Variants in PLCB1 observed in about 807,000 individuals in gnomAD.
The protein encoded by PLCB1 is phospholipase C beta 1.
In PLCB1, 46 loss-of-function variants were observed where a neutral mutation model predicts 161.8. The ratio of observed to expected loss-of-function variants is 0.28; its 90% CI spans 0.22 to 0.36. The LOEUF (loss-of-function observed/expected upper bound fraction) is 0.36, where lower values mean the gene tolerates loss of function less well. PLCB1 is among the 10% of genes least tolerant of loss of function. The pLI, the probability that PLCB1 is intolerant of heterozygous loss-of-function variation, is 1.00. For missense variants in PLCB1, 1,016 were observed against 1,472.5 expected (o/e 0.69, Z 5.07); for synonymous variants, 517 against 503.7 (o/e 1.03, Z -0.35).
rs1988060657 is a variant in PLCB1, at chr20:8,883,328, T to G, written c.*1479T>G. 1 of 152,096 alleles carries G rather than the reference T, an allele frequency of 6.6e-6. No homozygotes were observed. The highest frequency in any genetic ancestry group is 2.4e-5 in the African/African-American group (1 of 41,446). 9.4% of individuals were successfully genotyped at this position (152,096 alleles called of 1,614,324 possible). ...TTAACTCTGTCTTTATAAGTTCCTA[T>G]TTTAGATGGAATAAGAGAAACAAAT... On this transcript the variant is annotated 3_prime_UTR_variant, in exon 32 of 32. Transcript: ENST00000338037.
chr20:8,669,780 A>T (rs1989900348), intron 9 of PLCB1, among the ~76,000 whole-genome samples: 2 of 152,224 alleles, frequency 1.3e-5, no homozygotes, highest in Admixed American at 1.3e-4. Flanking sequence ...GCACTAAAAG[A>T]TAACATGTTT....
At chr20:8,643,199 C>G (rs530046941) in intron 4 of PLCB1, among the ~76,000 whole-genome samples, 1 of 152,320 alleles carries the variant, frequency 6.6e-6, no homozygotes, top group East Asian at 1.9e-4. Flanking sequence ...AGTTACCCTT[C>G]TTTGGATTCT....
chr20:8,559,542 G>C (rs1239422818), intron 3 of PLCB1, among the ~76,000 whole-genome samples: 1 of 151,958 alleles, frequency 6.6e-6, no homozygotes, highest in Middle Eastern at 3.4e-3. Flanking sequence ...AAAACAACAA[G>C]AAGATTCAAG....
intron 4 of PLCB1, among the ~76,000 whole-genome samples, chr20:8,632,458 G>A (rs899812905): frequency 3.9e-5 from 6 of 152,124 alleles, no homozygotes; most frequent in African/African-American, 1.2e-4. Context: ...GACCCTTGCC[G>A]ATGTGGAGCA....
intron 4 of PLCB1, among the ~76,000 whole-genome samples, chr20:8,635,621 G>A (rs556052389): frequency 1.3e-5 from 2 of 152,142 alleles, no homozygotes; most frequent in African/African-American, 4.8e-5. Flanking sequence ...CTACCCAGCA[G>A]TTACTCCACG....
At chr20:8,206,047 C>T (rs770844257) in intron 2 of PLCB1, among the ~76,000 whole-genome samples, 8 of 152,026 alleles carry the variant, frequency 5.3e-5, no homozygotes, top group Admixed American at 3.9e-4. Flanking sequence ...TTCACCTGTT[C>T]GATAGAAATA....
chr20:8,787,368 G>T (rs77269830), intron 27 of PLCB1, among the ~76,000 whole-genome samples: 1 of 152,120 alleles, frequency 6.6e-6, no homozygotes, highest in Admixed American at 6.5e-5. Context: ...CAGTTTTTCC[G>T]GGGACTCCCT....
At chr20:8,843,685 T>C (rs1986589884) in intron 31 of PLCB1, among the ~76,000 whole-genome samples, 1 of 152,150 alleles carries the variant, frequency 6.6e-6, no homozygotes, top group African/African-American at 2.4e-5. Flanking sequence ...AATGTTTTAT[T>C]TTGTTTGTTA....
intron 26 of PLCB1, 101 bp downstream of exon 26, chr20:8,765,459 A>G (rs913367092): frequency 2.4e-6 from 2 of 816,680 alleles, no homozygotes; most frequent in African/African-American, 3.5e-5. Flanking sequence ...TACCATGGCA[A>G]GAAAACCACC....
Position 8,765,318 on chromosome 20 carries a change from G to T in PLCB1, c.2890G>T (p.Ala964Ser). The T allele has an allele frequency of 1.9e-6, 3 of 1,613,020 alleles. No individual in the cohort carries two copies. Among genetic ancestry groups the T allele is most frequent in the Non-Finnish European group, 2.5e-6 (3 of 1,179,830 alleles). ...EIQNDYLRRR[A>S]ALEKSAKKDS... ...TCAGAATGACTACTTGAGAAGGAGA[G>T]CCGCTTTGGAAAAGTCCGCCAAAAA... The change falls in exon 26 of 32, where the codon GCC (alanine) becomes TCC (serine). Residue 964 changes from alanine to serine, a missense_variant. Transcript: ENST00000338037.
At chr20:8,611,647 C>T (rs937682735) in intron 3 of PLCB1, among the ~76,000 whole-genome samples, 3 of 152,122 alleles carry the variant, frequency 2.0e-5, no homozygotes, top group African/African-American at 7.2e-5. Flanking sequence ...AACTAAAAAA[C>T]ATTTTATTGA....
intron 2 of PLCB1, among the ~76,000 whole-genome samples, chr20:8,271,605 A>G (rs1203951832): frequency 6.6e-6 from 1 of 152,116 alleles, no homozygotes; most frequent in Non-Finnish European, 1.5e-5. Flanking sequence ...CACATATATA[A>G]TAGCTGGGTC....
chr20:8,761,980 G>GGGT (rs1222187419), intron 25 of PLCB1, among the ~76,000 whole-genome samples: 2 of 151,690 alleles, frequency 1.3e-5, no homozygotes, highest in African/African-American at 2.4e-5. Context: ...AGGCCAAGGG[G>GGGT]GGGGCGGATC....
chr20:8,367,217 T>C lies in PLCB1; in HGVS notation c.178-4165T>C, dbSNP rs16994717. ...ATAAAGAAATGATAGTTATAGATTCTTCATATTAACAAAAGTAATGTATTG... is the reference window on the plus strand; with the variant it reads ...ATAAAGAAATGATAGTTATAGATTCCTCATATTAACAAAAGTAATGTATTG... On this transcript the variant is annotated intron_variant, in intron 2 of 31. Transcript: ENST00000338037. Among the ~76,000 whole-genome samples, 563 of 152,356 alleles carry C rather than the reference T, an allele frequency of 3.7e-3. 10 individuals are homozygous for C. Among genetic ancestry groups the C allele is most frequent in the Admixed American group, 0.027 (409 of 15,308 alleles).
At chr20:8,340,454 G>A (rs190604266) in intron 2 of PLCB1, among the ~76,000 whole-genome samples, 24 of 151,966 alleles carry the variant, frequency 1.6e-4, no homozygotes, top group Admixed American at 7.9e-4. Flanking sequence ...ACGGAGTCTC[G>A]CTCTGTCGCC....
intron 31 of PLCB1, among the ~76,000 whole-genome samples, chr20:8,861,994 CT>C (rs1227670863): frequency 6.6e-6 from 1 of 152,038 alleles, no homozygotes; most frequent in Non-Finnish European, 1.5e-5. Context: ...ATGCAGAAGA[CT>C]TTTCTTTAAA....
chr20:8,800,916 C>T (rs1984251842), intron 31 of PLCB1, among the ~76,000 whole-genome samples: 1 of 152,156 alleles, frequency 6.6e-6, no homozygotes, highest in Non-Finnish European at 1.5e-5. Context: ...TCCATCATCT[C>T]TCCCCTGGAT....
intron 2 of PLCB1, among the ~76,000 whole-genome samples, chr20:8,197,513 T>C (rs557270245): frequency 2.0e-5 from 3 of 152,138 alleles, no homozygotes; most frequent in Non-Finnish European, 2.9e-5. Flanking sequence ...GGGGTTGTTT[T>C]TTTTCTTGTA....
chr20:8,764,671 A>G (rs1982221179), intron 25 of PLCB1, among the ~76,000 whole-genome samples: 1 of 152,110 alleles, frequency 6.6e-6, no homozygotes. Context: ...CAAATATGCA[A>G]GAAGCTTGCC....
Sources: gnomAD v4.1 joint callset for allele counts (sites outside exome capture counted in the v4.1 genomes callset) on GRCh38, gnomAD v4.1.1 for gene constraint, MANE v1.5 for transcripts, NCBI Gene and HGNC (gene_info 2026-07-23, HGNC 2026-07-21) for gene names.